Variants in NUDT1 observed in about 807,000 individuals in gnomAD.
NUDT1 encodes the protein oxidized purine nucleoside triphosphate hydrolase.
A neutral mutation model predicts 11.3 loss-of-function variants in NUDT1; 16 were observed. The observed-to-expected ratio is 1.41, with a 90% CI of 0.96 to 2.15. NUDT1 has a LOEUF of 2.15. NUDT1 is among the 30% of genes most tolerant of loss of function. The pLI, the probability that NUDT1 is intolerant of heterozygous loss-of-function variation, is 0.00. For synonymous variants in NUDT1, 101 were observed against 84.4 expected, an observed-to-expected ratio of 1.20 and a Z score of -1.08; for missense variants, 234 against 208.4, an observed-to-expected ratio of 1.12 and a Z score of -0.76.
At chr7:2,242,709 C>T (rs994146864) in intron 1 of NUDT1, 3 of 426,532 alleles carry the variant, frequency 7.0e-6, no homozygotes, top group African/African-American at 2.0e-5. Context: ...TCTTCAGTGC[C>T]CCGCTTCTCA....
intron 1 of NUDT1, among the ~76,000 whole-genome samples, chr7:2,243,979 G>T (rs975907631): frequency 3.9e-5 from 6 of 152,144 alleles, no homozygotes; most frequent in Admixed American, 3.9e-4. Flanking sequence ...AGTGGGTGGG[G>T]TATAAACTCC....
chr7:2,244,853 C>A (rs1481972152), intron 2 of NUDT1, 127 bp downstream of exon 2: 2 of 1,095,064 alleles, frequency 1.8e-6, no homozygotes, highest in African/African-American at 1.6e-5. Context: ...TAAGCGTGAG[C>A]CTCAGTGTCT....
chr7:2,243,060 C>T, intron 1 of NUDT1: 3 of 715,728 alleles, frequency 4.2e-6, no homozygotes, highest in East Asian at 2.7e-5. Context: ...TGATTTTCCC[C>T]TGGAGTCGGG....
intron 2 of NUDT1, among the ~76,000 whole-genome samples, chr7:2,245,229 G>A (rs966253898): frequency 6.6e-6 from 1 of 152,164 alleles, no homozygotes; most frequent in Non-Finnish European, 1.5e-5. Context: ...AGGTTGAGCC[G>A]TTTACCCAAG....
chr7:2,243,977 G>C (rs1322378072), intron 1 of NUDT1, among the ~76,000 whole-genome samples: 20 of 152,124 alleles, frequency 1.3e-4, no homozygotes, highest in Non-Finnish European at 2.9e-5. Context: ...AGAGTGGGTG[G>C]GGTATAAACT....
At position 2,250,995 on chromosome 7, in the gene NUDT1, G is replaced by T; in HGVS notation, c.465G>T (p.Thr155=). The T allele has an allele frequency of 6.2e-7, 1 of 1,613,862 alleles. No individual in the cohort carries two copies. ...ACTACACACTCCGCGAGGTGGACAC[G>T]GTCTAGCGGGAGCCCAGGGCAGCCC... The part of the protein sequence containing the change: ...ILDYTLREVD[T]V Residue 155 remains threonine, a synonymous_variant, in exon 4 of 4, where the codon ACG becomes ACT. Transcript: ENST00000356714.
chr7:2,242,733 A>G (rs994068322), intron 1 of NUDT1: 3 of 459,496 alleles, frequency 6.5e-6, no homozygotes, highest in Non-Finnish European at 1.2e-5. Flanking sequence ...CTCTAGGGGA[A>G]CATACAGACA....
chr7:2,245,318 T>C (rs988019810), intron 2 of NUDT1, among the ~76,000 whole-genome samples: 1 of 152,180 alleles, frequency 6.6e-6, no homozygotes, highest in African/African-American at 2.4e-5. Context: ...GCACAGACGT[T>C]AGCCCCCGTT....
At chr7:2,246,155 T>C (rs35372085) in intron 2 of NUDT1, among the ~76,000 whole-genome samples, 3,485 of 152,234 alleles carry the variant, frequency 0.023, 128 homozygotes, top group African/African-American at 0.08. Context: ...CCCTTTGTCT[T>C]TGATCTGCTA....
intron 2 of NUDT1, among the ~76,000 whole-genome samples, chr7:2,246,704 G>A (rs1794779012): frequency 6.6e-6 from 1 of 152,206 alleles, no homozygotes; most frequent in South Asian, 2.1e-4. Flanking sequence ...CCTCAAAGCT[G>A]AATACAGTGG....
chr7:2,245,277 G>C (rs566889613), intron 2 of NUDT1, among the ~76,000 whole-genome samples: 1 of 152,246 alleles, frequency 6.6e-6, no homozygotes, highest in Non-Finnish European at 1.5e-5. Context: ...ACCCTCACAG[G>C]GTAAATGAGA....
intron 2 of NUDT1, among the ~76,000 whole-genome samples, chr7:2,247,175 C>A (rs4719470): frequency 9.7e-4 from 148 of 152,300 alleles, no homozygotes; most frequent in Non-Finnish European, 1.7e-3. Context: ...TGCTCAGGAG[C>A]GGGAGGCAGG....
Position 2,251,083 on chromosome 7 carries a change from C to T in NUDT1, c.*82C>T, listed in dbSNP as rs1446721463. The stretch of plus-strand genomic sequence containing the variant: ...ATCTTCACCTGGGGGCATTGAGTGG[C>T]GCAGAGCCGGGTTTCATCTGGAATT... On this transcript the variant is annotated 3_prime_UTR_variant, in exon 4 of 4. Coordinates refer to ENST00000356714, the MANE Select transcript of NUDT1 (RefSeq NM_002452.4). 14 of 1,414,296 alleles carry T rather than the reference C, an allele frequency of 9.9e-6. No individual in the cohort carries two copies. Among genetic ancestry groups the T allele is most frequent in the East Asian group, 6.9e-5 (3 of 43,542 alleles). 87.6% of individuals were successfully genotyped at this position (1,414,296 alleles called of 1,614,324 possible).
chr7:2,246,224 T>C (rs777528680), intron 2 of NUDT1, among the ~76,000 whole-genome samples: 1 of 152,176 alleles, frequency 6.6e-6, no homozygotes, highest in Non-Finnish European at 1.5e-5. Flanking sequence ...CCTGGGGACA[T>C]GAGGAGGAAC....
At chr7:2,244,962 G>A (rs1020325061) in intron 2 of NUDT1, among the ~76,000 whole-genome samples, 1 of 152,230 alleles carries the variant, frequency 6.6e-6, no homozygotes. Context: ...GCGGTGTGCG[G>A]TGCGTGCTGA....
chr7:2,242,380 C>CTCCCA, intron 1 of NUDT1, 124 bp downstream of exon 1: 1 of 514,872 alleles, frequency 1.9e-6, no homozygotes, highest in Non-Finnish European at 3.4e-6. Flanking sequence ...GCCGGGAGCT[C>CTCCCA]GAAGGAGACC....
rs1253053059 is a variant in NUDT1 at position 2,250,839 on chromosome 7, A to G, written c.309A>G (p.Pro103=). The change falls in exon 4 of 4, where the codon CCA becomes CCG. Residue 103 remains proline, a synonymous_variant. Transcript: ENST00000356714. ...CCCCCATTGGTACAGAAATGCGCCC[A>G]TGCTGGTTCCAGCTGGATCAGATCC... The part of the protein sequence containing the change: ...GTPVESDEMR[P]CWFQLDQIPF... The G allele has an allele frequency of 6.2e-7, 1 of 1,614,156 alleles. No homozygotes were observed. Among genetic ancestry groups the G allele is most frequent in the Non-Finnish European group, 8.5e-7 (1 of 1,179,982 alleles).
intron 3 of NUDT1, 45 bp downstream of exon 3, chr7:2,250,047 C>G: frequency 6.2e-7 from 1 of 1,605,684 alleles, no homozygotes; most frequent in Non-Finnish European, 8.5e-7. Context: ...ATGCGGGTCC[C>G]ATCTCCTGGC....
At position 2,242,265 on chromosome 7, in the gene NUDT1, A is replaced by ATC; in HGVS notation, c.-13+9_-13+10insTC. The ATC allele has an allele frequency of 7.8e-7, 1 of 1,285,428 alleles. No homozygotes were observed. 79.6% of individuals were successfully genotyped at this position (1,285,428 alleles called of 1,614,324 possible). On this transcript the variant is annotated intron_variant, in intron 1 of 3. Coordinates refer to ENST00000356714, the MANE Select transcript of NUDT1 (RefSeq NM_002452.4). ...CGGAAGCGGCGGTGCAGGTACGAAA[A>ATC]GCGCGCGCGGGGATTCCAGGAGTCG...
Sources: gnomAD v4.1 joint callset for allele counts (sites outside exome capture counted in the v4.1 genomes callset) on GRCh38, gnomAD v4.1.1 for gene constraint, MANE v1.5 for transcripts, NCBI Gene and HGNC (gene_info 2026-07-23, HGNC 2026-07-21) for gene names.